Variants in DHPS observed in about 807,000 individuals in gnomAD.
The protein encoded by DHPS is deoxyhypusine synthase.
Under a neutral mutation model 38.7 loss-of-function variants are expected in DHPS, and 24 were observed. That is an observed-to-expected ratio of 0.62 (90% CI 0.45 to 0.87). DHPS has a LOEUF of 0.87. DHPS is among the 40% of genes least tolerant of loss of function. The pLI, the probability that DHPS is intolerant of heterozygous loss-of-function variation, is 0.00. For missense variants in DHPS, 510 were observed against 497.6 expected (o/e 1.02, Z -0.24); for synonymous variants, 250 against 204.4 (o/e 1.22, Z -1.90).
At position 12,681,638 on chromosome 19, in the gene DHPS, G is replaced by A; in HGVS notation, c.129C>T (p.Arg43=). 2 of 1,614,226 alleles carry A rather than the reference G, an allele frequency of 1.2e-6. No homozygotes were observed. The highest frequency in any genetic ancestry group is 1.1e-5 in the South Asian group (1 of 91,092). The change falls in exon 1 of 9, where the codon CGC becomes CGT. Residue 43 remains arginine (R), a synonymous_variant. Coordinates refer to ENST00000210060, the MANE Select transcript of DHPS (RefSeq NM_001930.4). ...GYDFNRGVNY[R]ALLEAFGTTG... is the part of the protein sequence containing the mutation. ...TGGTGCCGAAGGCCTCCAGCAGTGC[G>A]CGGTAATTCACACCGCGGTTGAAGT...
At chr19:12,677,638 CT>C (rs1353817567) in intron 5 of DHPS, among the ~76,000 whole-genome samples, 3 of 151,246 alleles carry the variant, frequency 2.0e-5, no homozygotes, top group Non-Finnish European at 4.4e-5. Flanking sequence ...GTTTCTCTCT[CT>C]TTTTTTTTAT....
chr19:12,681,519 C>T, intron 1 of DHPS, 41 bp downstream of exon 1: 1 of 1,610,324 alleles, frequency 6.2e-7, no homozygotes, highest in Non-Finnish European at 8.5e-7. Flanking sequence ...TTCTACAAGC[C>T]ACGCCCCTCC....
chr19:12,678,364 G>C (rs1006644567), intron 5 of DHPS, among the ~76,000 whole-genome samples: 2 of 152,096 alleles, frequency 1.3e-5, no homozygotes, highest in Admixed American at 6.6e-5. Flanking sequence ...CTACTCAGCA[G>C]GCTGAGGCAG....
chr19:12,678,467 G>A (rs2145356206), intron 5 of DHPS, among the ~76,000 whole-genome samples: 1 of 151,382 alleles, frequency 6.6e-6, no homozygotes, highest in Non-Finnish European at 1.5e-5. Context: ...ACCCTGTCTC[G>A]TAAAAAAGAA....
Position 12,681,692 on chromosome 19 carries a change from C to A in DHPS, c.75G>T (p.Pro25=), listed in dbSNP as rs751246180. The A allele has an allele frequency of 6.2e-7, 1 of 1,614,094 alleles. No individual in the cohort carries two copies. The highest frequency in any genetic ancestry group is 8.5e-7 in the Non-Finnish European group (1 of 1,180,042). Residue 25 remains proline (P), a synonymous_variant, in exon 1 of 9, where the codon CCG becomes CCT. Coordinates refer to ENST00000210060, the MANE Select transcript of DHPS (RefSeq NM_001930.4). ...AGCCCCGGACCTGGGTGCTTTCGGG[C>A]GGCAACGTCGAGCTGTGCTTTAGCA... is the stretch of plus-strand genomic sequence containing the variant. ...AAVLKHSSTL[P]PESTQVRGYD... is the part of the protein sequence containing the mutation.
rs769575305 is a variant in DHPS, at chr19:12,680,280, C to T, written c.253G>A (p.Ala85Thr). 1.2e-5 allele frequency: 20 copies of T among 1,614,120 alleles called. No homozygotes were observed. Among genetic ancestry groups the T allele is most frequent in the Non-Finnish European group, 1.7e-5 (20 of 1,180,038 alleles). Residue 85 changes from alanine to threonine, a missense_variant, in exon 2 of 9, where the codon GCG becomes ACG. Physicochemically the swap from Ala to Thr is moderately conservative, Grantham distance 58. Coordinates refer to ENST00000210060, the MANE Select transcript of DHPS (RefSeq NM_001930.4). Reference sequence around the variant, plus strand: ...GGGCGGCGGCTCTGGGTCAGGTCCGCGTGCTGGTCTTCATCCTGTGACAGT... The same window carrying T: ...GGGCGGCGGCTCTGGGTCAGGTCCGTGTGCTGGTCTTCATCCTGTGACAGT... Reference protein sequence around the residue: ...EPLSQDEDQHADLTQSRRPLT... With the variant: ...EPLSQDEDQHTDLTQSRRPLT...
chr19:12,678,479 G>T (rs987825029), intron 5 of DHPS, among the ~76,000 whole-genome samples: 28 of 151,538 alleles, frequency 1.8e-4, no homozygotes, highest in African/African-American at 6.3e-4. Context: ...AAAAAAGAAA[G>T]AGTAAGTAGG....
chr19:12,679,793 G>A lies in DHPS; in HGVS notation c.494+8C>T, dbSNP rs2024737467. 3 of 1,613,952 alleles carry A rather than the reference G, an allele frequency of 1.9e-6. No homozygotes were observed. Among genetic ancestry groups the A allele is most frequent in the Admixed American group, 1.7e-5 (1 of 59,990 alleles). On this transcript the variant is annotated splice_region_variant and intron_variant, in intron 3 of 8. Transcript: ENST00000210060. ...GCTCCCCTGCCCAACACCACTCAGG[G>A]TTCTCACCTATTGATCCCGTTCTCC...
intron 1 of DHPS, chr19:12,681,241 C>T (rs542490074): frequency 1.6e-6 from 2 of 1,271,976 alleles, no homozygotes; most frequent in African/African-American, 1.5e-5. Context: ...GGCTCCTCCT[C>T]CCATATCCTC....
At chr19:12,674,072 T>C (rs186014846), downstream of DHPS, among the ~76,000 whole-genome samples, 683 of 152,292 alleles carry the variant, frequency 4.5e-3, 5 homozygotes, top group African/African-American at 0.016. Flanking sequence ...AGGTGTAGCC[T>C]GCGCATGCAT....
chr19:12,679,559 A>G lies in DHPS; in HGVS notation c.592-16T>C, dbSNP rs572856526. On this transcript the variant is annotated splice_polypyrimidine_tract_variant and intron_variant, in intron 4 of 8. Transcript: ENST00000210060. ...ACTTTACACCCTAGGAGAGGATGTGACCTTCAGGCCATGCCTCCCCTGACT... is the reference window on the plus strand; with the variant it reads ...ACTTTACACCCTAGGAGAGGATGTGGCCTTCAGGCCATGCCTCCCCTGACT... 2 of 1,614,024 alleles carry G rather than the reference A, an allele frequency of 1.2e-6. No homozygotes were observed. Among genetic ancestry groups the G allele is most frequent in the South Asian group, 2.2e-5 (2 of 91,080 alleles).
At position 12,681,791 on chromosome 19, in the gene DHPS, A is replaced by G. The variant is rs1599387324; in HGVS notation, c.-25T>C. The G allele has an allele frequency of 6.3e-7, 1 of 1,596,746 alleles. No homozygotes were observed. On this transcript the variant is annotated 5_prime_UTR_variant, in exon 1 of 9. Transcript: ENST00000210060. ...TGCGCCTATAGCCGGCTCTCGAGTC[A>G]AAGCTGCCCCTAGGCCGGGCTTACG... is the stretch of plus-strand genomic sequence containing the variant.
chr19:12,680,455 G>A (rs911393431), intron 1 of DHPS, 130 bp from the exon 2 acceptor site: 6 of 905,202 alleles, frequency 6.6e-6, no homozygotes, highest in African/African-American at 5.0e-5. Flanking sequence ...TTCTACAGGG[G>A]ACCAAGGAAC....
At chr19:12,675,545 C>G (rs1180505241), downstream of DHPS, 1 of 1,606,046 alleles carries the variant, frequency 6.2e-7, no homozygotes, top group Admixed American at 1.7e-5. Flanking sequence ...CTGGCCCTGC[C>G]TGTGGGTTCC....
chr19:12,680,995 G>A (rs552210839), intron 1 of DHPS: 12 of 453,854 alleles, frequency 2.6e-5, no homozygotes, highest in Non-Finnish European at 4.2e-5. Context: ...CACCATGCCC[G>A]GCTAATTTTT....
downstream of DHPS, chr19:12,675,651 G>A (rs2024554132): frequency 3.1e-6 from 5 of 1,601,270 alleles, no homozygotes; most frequent in African/African-American, 2.7e-5. Flanking sequence ...AGGCCTATGA[G>A]GCAGAGGATG....
downstream of DHPS, among the ~76,000 whole-genome samples, chr19:12,673,965 G>A (rs972058090): frequency 3.3e-5 from 5 of 152,230 alleles, no homozygotes; most frequent in African/African-American, 9.6e-5. Context: ...CTCCCAAAGT[G>A]CTGGGATTAC....
chr19:12,681,181 C>A, intron 1 of DHPS: 1 of 1,243,994 alleles, frequency 8.0e-7, no homozygotes, highest in Non-Finnish European at 1.0e-6. Context: ...AGATCCGGTC[C>A]CTTCCCCGCT....
At chr19:12,681,245 T>C (rs2024799781) in intron 1 of DHPS, 1 of 1,272,722 alleles carries the variant, frequency 7.9e-7, no homozygotes, top group Non-Finnish European at 1.0e-6. Context: ...CCTCCTCCCA[T>C]ATCCTCCCTT....
Sources: allele counts gnomAD v4.1 joint callset (sites outside exome capture counted in the v4.1 genomes callset), GRCh38; gene constraint gnomAD v4.1.1; transcripts MANE v1.5; gene names NCBI Gene and HGNC (gene_info 2026-07-23, HGNC 2026-07-21).